The following RNGTT variants were observed in gnomAD, a reference collection of about 807,000 sequenced individuals.
RNGTT encodes mRNA-capping enzyme.
In RNGTT, 33 loss-of-function variants were observed where a neutral mutation model predicts 79.3. The ratio of observed to expected loss-of-function variants is 0.42; its 90% CI spans 0.32 to 0.56. RNGTT has a LOEUF of 0.56. Among genes scored for constraint, RNGTT ranks in the 20% least tolerant of loss-of-function variants. The probability of loss-of-function intolerance (pLI) is 0.17; values close to 1 mark genes in which losing one functional copy is unlikely to be tolerated. For synonymous variants in RNGTT, 222 were observed against 235.9 expected, an observed-to-expected ratio of 0.94 and a Z score of 0.54; for missense variants, 497 against 739.1, an observed-to-expected ratio of 0.67 and a Z score of 3.80.
chr6:88,875,771 T>C (rs1782501084), intron 8 of RNGTT, among the ~76,000 whole-genome samples: 1 of 152,212 alleles, frequency 6.6e-6, no homozygotes, highest in African/African-American at 2.4e-5. Flanking sequence ...AAATACAGAA[T>C]GAACTTGTGC....
rs539849616 is a variant in RNGTT at position 88,908,301 on chromosome 6, T to C, written c.368-1861A>G. Among the ~76,000 whole-genome samples the C allele has an allele frequency of 1.5e-4, 23 of 152,164 alleles. No homozygotes were observed. In the South Asian group the frequency reaches 4.1e-3, roughly 27 times the overall value. ...GCTCTTTGAAAGACATCATTAAGAA[T>C]ATAAAAAAGAGTTCTAGGCAAGACG... is the stretch of plus-strand genomic sequence containing the variant. On this transcript the variant is annotated intron_variant, in intron 4 of 15. Transcript: ENST00000369485.
At chr6:88,771,315 G>GTGTATA (rs1303688973) in intron 12 of RNGTT, among the ~76,000 whole-genome samples, 113 of 62,026 alleles carry the variant, frequency 1.8e-3, no homozygotes, top group African/African-American at 3.4e-3. Context: ...GTGTGTGTGT[G>GTGTATA]TATATATATA....
chr6:88,667,923 G>A (rs183856534), intron 14 of RNGTT, among the ~76,000 whole-genome samples: 1 of 152,242 alleles, frequency 6.6e-6, no homozygotes, highest in East Asian at 1.9e-4. Flanking sequence ...AAAATCAGGT[G>A]TACTCCTTCT....
intron 8 of RNGTT, among the ~76,000 whole-genome samples, chr6:88,889,312 T>C (rs1363126147): frequency 6.6e-6 from 1 of 152,088 alleles, no homozygotes; most frequent in Non-Finnish European, 1.5e-5. Flanking sequence ...AAATCAAATA[T>C]AATAAAATAC....
intron 12 of RNGTT, among the ~76,000 whole-genome samples, chr6:88,778,023 CT>C (rs1778946676): frequency 6.6e-6 from 1 of 152,070 alleles, no homozygotes; most frequent in Non-Finnish European, 1.5e-5. Context: ...TTGCCAAATG[CT>C]TTGTATGAAT....
chr6:88,879,168 G>C (rs1039996665), intron 8 of RNGTT, among the ~76,000 whole-genome samples: 1 of 152,142 alleles, frequency 6.6e-6, no homozygotes. Context: ...AGGCTGAGGC[G>C]AGCAGATCAC....
chr6:88,762,600 T>C (rs746892741), intron 13 of RNGTT, among the ~76,000 whole-genome samples: 4 of 152,218 alleles, frequency 2.6e-5, no homozygotes, highest in African/African-American at 4.8e-5. Flanking sequence ...ACCAATAGTA[T>C]ATCTTGCAGC....
intron 13 of RNGTT, among the ~76,000 whole-genome samples, chr6:88,728,658 T>C (rs1777002439): frequency 6.6e-6 from 1 of 152,226 alleles, no homozygotes; most frequent in Non-Finnish European, 1.5e-5. Context: ...GCCAGTTTTA[T>C]GATATGGGGG....
intron 11 of RNGTT, among the ~76,000 whole-genome samples, chr6:88,818,536 T>A (rs934019935): frequency 1.3e-5 from 2 of 152,106 alleles, no homozygotes; most frequent in Non-Finnish European, 2.9e-5. Context: ...GATCCTGCCA[T>A]TGCACTCCAG....
At chr6:88,749,593 A>C (rs1400051103) in intron 13 of RNGTT, among the ~76,000 whole-genome samples, 1 of 152,170 alleles carries the variant, frequency 6.6e-6, no homozygotes, top group South Asian at 2.1e-4. Flanking sequence ...AATTAAGTGT[A>C]AATGGATGAA....
rs1778590152 is a variant in RNGTT at position 88,769,863 on chromosome 6, A to T, written c.1350T>A (p.Pro450=). Reference sequence around the variant, plus strand: ...ATTTCAAAATATCATCACATCGACCAGGTTTGTATTTCTAAAGCCAATTAA... The same window carrying T: ...ATTTCAAAATATCATCACATCGACCTGGTTTGTATTTCTAAAGCCAATTAA... ...LIFQPTGKYK[P]GRCDDILKWK... Residue 450 remains proline (P), a synonymous_variant, in exon 13 of 16, where the codon CCT becomes CCA. Coordinates refer to ENST00000369485, the MANE Select transcript of RNGTT (RefSeq NM_003800.5). 1.2e-6 allele frequency: 2 copies of T among 1,608,950 alleles called. No individual in the cohort carries two copies. The highest frequency in any genetic ancestry group is 1.7e-6 in the Non-Finnish European group (2 of 1,176,598).
intron 11 of RNGTT, 72 bp downstream of exon 11, chr6:88,844,285 C>A: frequency 1.4e-6 from 2 of 1,411,596 alleles, no homozygotes; most frequent in South Asian, 2.6e-5. Context: ...AGCAAAATGT[C>A]ATTCATATTC....
At chr6:88,648,205 C>T (rs893496853) in intron 14 of RNGTT, among the ~76,000 whole-genome samples, 2 of 152,010 alleles carry the variant, frequency 1.3e-5, no homozygotes, top group African/African-American at 4.8e-5. Context: ...CTTAGGAATC[C>T]AGGACCCTTC....
intron 13 of RNGTT, among the ~76,000 whole-genome samples, chr6:88,683,302 T>C (rs761063306): frequency 3.3e-5 from 5 of 151,978 alleles, no homozygotes; most frequent in Non-Finnish European, 5.9e-5. Context: ...TAGTAATAAA[T>C]AATAAGAGGA....
intron 13 of RNGTT, among the ~76,000 whole-genome samples, chr6:88,680,860 G>A (rs1386286020): frequency 6.6e-6 from 1 of 151,952 alleles, no homozygotes; most frequent in Non-Finnish European, 1.5e-5. Context: ...CATTTGGAAT[G>A]TAAGTGATGA....
chr6:88,739,336 G>T (rs1038296465), intron 13 of RNGTT, among the ~76,000 whole-genome samples: 2 of 152,080 alleles, frequency 1.3e-5, no homozygotes, highest in Non-Finnish European at 2.9e-5. Flanking sequence ...CTTCCAGCTG[G>T]TAAGTGTTTT....
chr6:88,865,805 A>C (rs1222887713), intron 8 of RNGTT, among the ~76,000 whole-genome samples: 1 of 152,132 alleles, frequency 6.6e-6, no homozygotes. Context: ...CTTAAGATTT[A>C]CTAACAATAA....
intron 13 of RNGTT, among the ~76,000 whole-genome samples, chr6:88,717,938 C>A (rs1013940633): frequency 6.6e-6 from 1 of 152,096 alleles, no homozygotes; most frequent in African/African-American, 2.4e-5. Flanking sequence ...GAGCCACCCA[C>A]AAAGATATCA....
At chr6:88,886,080 C>T (rs187248583) in intron 8 of RNGTT, among the ~76,000 whole-genome samples, 9 of 152,186 alleles carry the variant, frequency 5.9e-5, no homozygotes, top group East Asian at 3.9e-4. Context: ...CCGAGGCAGG[C>T]GGATCACGAC....
Sources: allele counts gnomAD v4.1 joint callset (sites outside exome capture counted in the v4.1 genomes callset), GRCh38; gene constraint gnomAD v4.1.1; transcripts MANE v1.5; gene names NCBI Gene and HGNC (gene_info 2026-07-23, HGNC 2026-07-21).